Variants in KCNIP4 observed in about 807,000 individuals in gnomAD.
KCNIP4 encodes potassium voltage-gated channel interacting protein 4.
In KCNIP4, 12 loss-of-function variants were observed where a neutral mutation model predicts 34.0. The observed-to-expected ratio is 0.35, with a 90% confidence interval of 0.23 to 0.57. KCNIP4 has a LOEUF of 0.57. Ranked by LOEUF, KCNIP4 falls within the 20% of genes least tolerant of loss-of-function variation. KCNIP4 has a pLI of 0.83. For synonymous variants in KCNIP4, 124 were observed against 102.2 expected (o/e 1.21, Z -1.29); for missense variants, 238 against 311.7 (o/e 0.76, Z 1.78).
chr4:21,156,040 T>C (rs775648828), intron 1 of KCNIP4, among the ~76,000 whole-genome samples: 3 of 152,174 alleles, frequency 2.0e-5, no homozygotes, highest in Non-Finnish European at 4.4e-5. Flanking sequence ...AGAACCCCAG[T>C]TGTAGCTAAA....
At chr4:21,371,529 A>G (rs71607072) in intron 1 of KCNIP4, among the ~76,000 whole-genome samples, 3,898 of 146,862 alleles carry the variant, frequency 0.027, 375 homozygotes, top group East Asian at 0.22. Flanking sequence ...CTTGCTATCT[A>G]ATCACTTGAT....
At chr4:21,443,445 T>A (rs1233960957) in intron 1 of KCNIP4, among the ~76,000 whole-genome samples, 1 of 152,176 alleles carries the variant, frequency 6.6e-6, no homozygotes, top group African/African-American at 2.4e-5. Flanking sequence ...AGCCTAGACA[T>A]TGCTGTGAAG....
intron 1 of KCNIP4, among the ~76,000 whole-genome samples, chr4:21,865,964 A>G (rs1182441133): frequency 2.0e-5 from 3 of 151,444 alleles, no homozygotes; most frequent in Non-Finnish European, 2.9e-5. Flanking sequence ...TGCTATATAT[A>G]TATTATATAT....
chr4:21,116,969 TTAATTAAAATA>T (rs1749726374), intron 1 of KCNIP4, among the ~76,000 whole-genome samples: 1 of 152,152 alleles, frequency 6.6e-6, no homozygotes, highest in Non-Finnish European at 1.5e-5. Flanking sequence ...ATCATTATAA[TTAATTAAAATA>T]CAAATACAGC....
intron 1 of KCNIP4, among the ~76,000 whole-genome samples, chr4:21,096,144 T>C (rs959643298): frequency 1.3e-5 from 2 of 152,156 alleles, no homozygotes; most frequent in Non-Finnish European, 2.9e-5. Context: ...GACTAGGCAA[T>C]GACCAGAGCG....
intron 1 of KCNIP4, among the ~76,000 whole-genome samples, chr4:21,155,188 TG>T (rs1753055113): frequency 6.6e-6 from 1 of 152,158 alleles, no homozygotes; most frequent in East Asian, 1.9e-4. Flanking sequence ...AGCCCTATTT[TG>T]CGTACCTCCA....
intron 1 of KCNIP4, among the ~76,000 whole-genome samples, chr4:21,017,742 T>C (rs1739678449): frequency 6.6e-6 from 1 of 152,160 alleles, no homozygotes; most frequent in Non-Finnish European, 1.5e-5. Flanking sequence ...GTATTTCCAG[T>C]TCTAGGTCTT....
chr4:20,922,376 T>C (rs1228915319), intron 1 of KCNIP4, among the ~76,000 whole-genome samples: 1 of 152,226 alleles, frequency 6.6e-6, no homozygotes, highest in Non-Finnish European at 1.5e-5. Flanking sequence ...GGAGCTGTGA[T>C]ATCCATCTTC....
intron 1 of KCNIP4, among the ~76,000 whole-genome samples, chr4:21,601,488 A>G (rs888836503): frequency 3.3e-5 from 5 of 151,798 alleles, no homozygotes; most frequent in Non-Finnish European, 7.4e-5. Flanking sequence ...CACCTCTGTA[A>G]GAGACTCTCC....
intron 1 of KCNIP4, among the ~76,000 whole-genome samples, chr4:21,662,411 G>A (rs547189696): frequency 6.6e-6 from 1 of 152,242 alleles, no homozygotes; most frequent in South Asian, 2.1e-4. Context: ...AATAAAAGTT[G>A]CTCACTGGCC....
At chr4:21,724,512 CGG>C (rs1715051458) in intron 1 of KCNIP4, among the ~76,000 whole-genome samples, 3 of 151,048 alleles carry the variant, frequency 2.0e-5, no homozygotes, top group African/African-American at 7.3e-5. Flanking sequence ...ATGTTGCTTG[CGG>C]AGCAATTCAT....
chr4:21,209,587 T>C (rs181660480), intron 1 of KCNIP4, among the ~76,000 whole-genome samples: 2 of 152,104 alleles, frequency 1.3e-5, no homozygotes, highest in East Asian at 3.9e-4. Flanking sequence ...TATTATTCTC[T>C]AGGTCATATC....
intron 1 of KCNIP4, among the ~76,000 whole-genome samples, chr4:21,790,604 G>GAAA (rs34307723): frequency 7.3e-5 from 11 of 150,116 alleles, no homozygotes; most frequent in African/African-American, 2.7e-4. Context: ...AACACATTAA[G>GAAA]AAAAAAAAAG....
At chr4:21,714,088 A>C in intron 1 of KCNIP4, among the ~76,000 whole-genome samples, 1 of 152,186 alleles carries the variant, frequency 6.6e-6, no homozygotes, top group Non-Finnish European at 1.5e-5. Context: ...CTAAGGAATA[A>C]GTTTAATATA....
chr4:20,754,495 T>C (rs1754170101), intron 4 of KCNIP4, among the ~76,000 whole-genome samples: 1 of 152,216 alleles, frequency 6.6e-6, no homozygotes, highest in Non-Finnish European at 1.5e-5. Flanking sequence ...AGAGATCACA[T>C]TCTTCCTTAG....
chr4:21,094,706 T>C (rs1232618787), intron 1 of KCNIP4, among the ~76,000 whole-genome samples: 1 of 152,202 alleles, frequency 6.6e-6, no homozygotes, highest in Admixed American at 6.5e-5. Context: ...TTCTGCCGTG[T>C]CTTTTCTTGT....
intron 1 of KCNIP4, among the ~76,000 whole-genome samples, chr4:21,591,358 A>G (rs1742204564): frequency 6.6e-6 from 1 of 152,008 alleles, no homozygotes; most frequent in Admixed American, 6.6e-5. Context: ...AGAAAACACA[A>G]AAACAAAACA....
chr4:21,803,987 A>G (rs899292554), intron 1 of KCNIP4, among the ~76,000 whole-genome samples: 4 of 152,138 alleles, frequency 2.6e-5, no homozygotes, highest in African/African-American at 9.7e-5. Flanking sequence ...GGAGAAAGCA[A>G]CCACGTGGAA....
intron 1 of KCNIP4, among the ~76,000 whole-genome samples, chr4:21,538,015 A>G (rs1408863422): frequency 8.1e-3 from 494 of 60,766 alleles, no homozygotes; most frequent in Non-Finnish European, 0.012. Context: ...CCGTCTCAAA[A>G]AAAAAAAAAA....
Sources: gnomAD v4.1 joint callset for allele counts (sites outside exome capture counted in the v4.1 genomes callset) on GRCh38, gnomAD v4.1.1 for gene constraint, MANE v1.5 for transcripts, NCBI Gene and HGNC (gene_info 2026-07-23, HGNC 2026-07-21) for gene names.